The following TJP1 variants were observed in gnomAD, a reference collection of about 807,000 sequenced individuals.
TJP1 encodes the protein tight junction protein 1.
TJP1 carries 43 observed loss-of-function variants against 194.2 expected under a neutral mutation model. The ratio of observed to expected loss-of-function variants is 0.22; its 90% CI spans 0.17 to 0.29. TJP1 has a LOEUF of 0.29. Ranked by LOEUF, TJP1 falls within the 10% of genes least tolerant of loss-of-function variation. The pLI is 1.00. For synonymous variants in TJP1, 801 were observed against 779.0 expected, an observed-to-expected ratio of 1.03 and a Z score of -0.47; for missense variants, 1,971 against 2,185.7, an observed-to-expected ratio of 0.90 and a Z score of 1.96.
intron 2 of TJP1, among the ~76,000 whole-genome samples, chr15:29,897,415 T>C (rs910621120): frequency 6.6e-6 from 1 of 152,128 alleles, no homozygotes; most frequent in East Asian, 1.9e-4. Context: ...AAGTTTGCTG[T>C]AGAGGTGGGG....
chr15:29,720,550 T>C lies in TJP1; in HGVS notation c.2571A>G (p.Glu857=), dbSNP rs1180719953. Residue 857 remains glutamate, a synonymous_variant, in exon 19 of 28, where the codon GAA becomes GAG. Coordinates refer to ENST00000614355, the MANE Select transcript of TJP1 (RefSeq NM_001330239.4). ...CCTCATCATTAAGAGTTTCATCTAGTTCTTGATCAGTGTAGGCCCCGCCTT... is the reference window on the plus strand; with the variant it reads ...CCTCATCATTAAGAGTTTCATCTAGCTCTTGATCAGTGTAGGCCCCGCCTT... ...DTEGGAYTDQ[E]LDETLNDEVG... is the part of the protein sequence containing the mutation. The C allele has an allele frequency of 1.5e-5, 24 of 1,613,992 alleles. No individual in the cohort carries two copies. Among genetic ancestry groups the C allele is most frequent in the Non-Finnish European group, 2.0e-5 (24 of 1,180,044 alleles).
At chr15:29,824,316 G>A (rs1476378069), upstream of TJP1, among the ~76,000 whole-genome samples, 4 of 151,462 alleles carry the variant, frequency 2.6e-5, no homozygotes, top group South Asian at 4.2e-4. Flanking sequence ...GGTGACAGAC[G>A]CCAGTAATGC....
intron 8 of TJP1, among the ~76,000 whole-genome samples, chr15:29,747,629 T>C (rs192889676): frequency 3.3e-5 from 5 of 152,342 alleles, no homozygotes; most frequent in Admixed American, 6.5e-5. Context: ...AGAATTTGTT[T>C]AGAAAAGGTA....
intron 2 of TJP1, among the ~76,000 whole-genome samples, chr15:29,935,389 A>G (rs2152275854): frequency 6.6e-6 from 1 of 152,244 alleles, no homozygotes; most frequent in South Asian, 2.1e-4. Flanking sequence ...ATTGCCAGGC[A>G]TTTTCTTAAA....
intron 2 of TJP1, among the ~76,000 whole-genome samples, chr15:29,955,753 T>TAAAAAAAAAAAAAAAAAAAAAAAAAA (rs563535771): frequency 5.6e-5 from 2 of 35,800 alleles, no homozygotes; most frequent in African/African-American, 1.2e-4. Context: ...CCTGGCTCTT[T>TAAAAAAAAAAAAAAAAAAAAAAAAAA]AAAAAAAAAA....
chr15:29,731,080 T>A (rs1842422), intron 15 of TJP1: 3 of 493,074 alleles, frequency 6.1e-6, no homozygotes, highest in Non-Finnish European at 1.1e-5. Flanking sequence ...TTTGTTTTAC[T>A]TTTTTTTTTT....
intron 23 of TJP1, 45 bp from the exon 24 acceptor site, chr15:29,711,045 C>T (rs960658458): frequency 3.3e-6 from 5 of 1,509,290 alleles, no homozygotes; most frequent in Non-Finnish European, 4.4e-6. Context: ...AATGGACTCA[C>T]ATTTACAAAA....
rs181011446 is a variant in TJP1, at chr15:29,874,600, C to G, written c.307-73898G>C. Among the ~76,000 whole-genome samples the G allele has an allele frequency of 1.3e-3, 203 of 152,302 alleles. 2 individuals are homozygous for G. The highest frequency in any genetic ancestry group is 4.7e-3 in the African/African-American group (196 of 41,570). The stretch of plus-strand genomic sequence containing the variant: ...GCTGATAAAATGGTATTACCATGAA[C>G]TAAGGGTAGCTAGTCCCTCAAAATC... On this transcript the variant is annotated intron_variant, in intron 2 of 28. Coordinates refer to the TJP1 transcript ENST00000356107.
At chr15:29,863,795 C>T (rs951734016) in intron 2 of TJP1, among the ~76,000 whole-genome samples, 1 of 152,118 alleles carries the variant, frequency 6.6e-6, no homozygotes, top group Non-Finnish European at 1.5e-5. Context: ...ACACCCCATC[C>T]CCCAGAATGA....
intron 26 of TJP1, among the ~76,000 whole-genome samples, chr15:29,705,107 G>A (rs533041676): frequency 6.6e-6 from 1 of 152,190 alleles, no homozygotes; most frequent in South Asian, 2.1e-4. Context: ...TAGGTTCTGG[G>A]GTGATGAATA....
At chr15:29,736,983 A>G (rs1185781224) in intron 11 of TJP1, among the ~76,000 whole-genome samples, 1 of 152,186 alleles carries the variant, frequency 6.6e-6, no homozygotes, top group Admixed American at 6.5e-5. Flanking sequence ...GGGATATAAG[A>G]CTTATTTTCT....
At chr15:29,748,951 T>TGTGTGC (rs1555402333) in intron 8 of TJP1, among the ~76,000 whole-genome samples, 18 of 36,164 alleles carry the variant, frequency 5.0e-4, no homozygotes, top group Admixed American at 1.1e-3. Context: ...TGTGTGTGTG[T>TGTGTGC]GTGCGCGTGT....
chr15:29,727,821 T>C lies in TJP1; in HGVS notation c.2100+116A>G, dbSNP rs1399258750. The stretch of plus-strand genomic sequence containing the variant: ...CTTTTCAGTAAGGGCTTAATTTTCT[T>C]ATAGTATGTCAGTAATAGTCTCAGA... On this transcript the variant is annotated intron_variant, in intron 16 of 27. Coordinates refer to ENST00000614355, the MANE Select transcript of TJP1 (RefSeq NM_001330239.4). 5.4e-6 allele frequency: 4 copies of C among 746,424 alleles called. No homozygotes were observed. In the South Asian group the frequency reaches 7.3e-5, roughly 14 times the overall value. 46.2% of individuals were successfully genotyped at this position (746,424 alleles called of 1,614,324 possible). A position where few individuals can be genotyped will look rare whatever the true frequency, so the allele number is the denominator to read the frequency against.
At chr15:29,901,863 A>G (rs995607007) in intron 2 of TJP1, among the ~76,000 whole-genome samples, 3 of 151,714 alleles carry the variant, frequency 2.0e-5, no homozygotes, top group Non-Finnish European at 4.4e-5. Context: ...ACATTACTCA[A>G]TTGATGACAT....
rs182610270 is a variant in TJP1, at chr15:29,746,934, T to C, written c.1011-4153A>G. Reference sequence around the variant, plus strand: ...TAGGAAAAAAAAAAAAGCCAAGATATTTTCTAGCTCAAACAAGGATGAGCT... The same window carrying C: ...TAGGAAAAAAAAAAAAGCCAAGATACTTTCTAGCTCAAACAAGGATGAGCT... On this transcript the variant is annotated intron_variant, in intron 8 of 27. Coordinates refer to ENST00000614355, the MANE Select transcript of TJP1 (RefSeq NM_001330239.4). Among the ~76,000 whole-genome samples, 76 of 150,908 alleles carry C rather than the reference T, an allele frequency of 5.0e-4. No individual in the cohort carries two copies. The East Asian group carries it at 0.014, about 28-fold the overall frequency.
chr15:29,728,793 T>C (rs952560085), intron 15 of TJP1: 4 of 152,108 alleles, frequency 2.6e-5, no homozygotes, highest in African/African-American at 9.7e-5. Flanking sequence ...TCAAGATAAA[T>C]GATTTTGGAG....
chr15:29,920,270 C>A (rs185318921), intron 2 of TJP1, among the ~76,000 whole-genome samples: 1 of 152,120 alleles, frequency 6.6e-6, no homozygotes, highest in East Asian at 1.9e-4. Flanking sequence ...AAAATAAAGC[C>A]CAAGTTGTAA....
At position 29,711,032 on chromosome 15, in the gene TJP1, G is replaced by A. The variant is rs767672692; in HGVS notation, c.4203-32C>T. 11 of 1,529,424 alleles carry A rather than the reference G, an allele frequency of 7.2e-6. No individual in the cohort carries two copies. The South Asian group carries it at 1.3e-4, about 18-fold the overall frequency. The allele number at this position is 1,529,424 out of a possible 1,614,324, so 94.7% of individuals were successfully genotyped here. A position where few individuals can be genotyped will look rare whatever the true frequency, so the allele number is the denominator to read the frequency against. On this transcript the variant is annotated intron_variant, in intron 23 of 27. Transcript: ENST00000614355. ...ACAAATGAAGAAAATGCCAACACCT[G>A]AAAATGGACTCACATTTACAAAACA...
intron 10 of TJP1, among the ~76,000 whole-genome samples, chr15:29,739,911 A>T (rs898374371): frequency 6.6e-6 from 1 of 152,246 alleles, no homozygotes; most frequent in Non-Finnish European, 1.5e-5. Flanking sequence ...TTAAACTTGT[A>T]AAAACCCCAT....
Sources: allele counts gnomAD v4.1 joint callset (sites outside exome capture counted in the v4.1 genomes callset), GRCh38; gene constraint gnomAD v4.1.1; transcripts MANE v1.5; gene names NCBI Gene and HGNC (gene_info 2026-07-23, HGNC 2026-07-21).